Variants in PTPRT observed in about 807,000 individuals in gnomAD.
The protein encoded by PTPRT is protein tyrosine phosphatase receptor type T.
PTPRT carries 56 observed loss-of-function variants against 176.8 expected under a neutral mutation model. The ratio of observed to expected loss-of-function variants is 0.32; its 90% CI spans 0.26 to 0.40. The LOEUF is 0.40. PTPRT is among the 10% of genes least tolerant of loss of function. The pLI, the probability that PTPRT is intolerant of heterozygous loss-of-function variation, is 1.00. For missense variants in PTPRT, 1,540 were observed against 1,908.2 expected (o/e 0.81, Z 3.60); for synonymous variants, 783 against 739.0 (o/e 1.06, Z -0.96).
intron 7 of PTPRT, among the ~76,000 whole-genome samples, chr20:42,604,267 C>T (rs1443573240): frequency 1.3e-5 from 2 of 152,124 alleles, no homozygotes; most frequent in Admixed American, 1.3e-4. Context: ...TGGGGAAAAC[C>T]CACACATTTT....
chr20:42,313,864 G>T (rs909460727), intron 12 of PTPRT, among the ~76,000 whole-genome samples: 3 of 152,182 alleles, frequency 2.0e-5, no homozygotes, highest in African/African-American at 7.2e-5. Context: ...GAGGAGTGTT[G>T]CTTGAACCAG....
chr20:42,034,532 T>G, the PTPRT span, among the ~76,000 whole-genome samples: 4 of 152,168 alleles, frequency 2.6e-5, no homozygotes, highest in Non-Finnish European at 5.9e-5. Flanking sequence ...AGATTGAGTC[T>G]CAGGCCAGAG....
chr20:43,037,761 G>A (rs1986442869), intron 1 of PTPRT, among the ~76,000 whole-genome samples: 1 of 152,126 alleles, frequency 6.6e-6, no homozygotes, highest in Non-Finnish European at 1.5e-5. Flanking sequence ...GAGGCATACA[G>A]GAACGTAAAA....
intron 9 of PTPRT, among the ~76,000 whole-genome samples, chr20:42,401,668 C>T (rs557288813): frequency 1.3e-5 from 2 of 152,240 alleles, no homozygotes; most frequent in South Asian, 2.1e-4. Context: ...GCCCCAATCC[C>T]CTCCTTTAGG....
chr20:43,086,950 G>A (rs1437393919), intron 1 of PTPRT, among the ~76,000 whole-genome samples: 1 of 152,150 alleles, frequency 6.6e-6, no homozygotes, highest in African/African-American at 2.4e-5. Context: ...CTTTATAGAT[G>A]TACAGTTCTA....
chr20:42,897,187 C>A (rs909382675), intron 1 of PTPRT, among the ~76,000 whole-genome samples: 6 of 152,068 alleles, frequency 3.9e-5, no homozygotes, highest in African/African-American at 1.4e-4. Context: ...AAACAATACT[C>A]CTAATATAAA....
chr20:42,356,521 C>T (rs1001112432), intron 9 of PTPRT, among the ~76,000 whole-genome samples: 2 of 152,020 alleles, frequency 1.3e-5, no homozygotes, highest in African/African-American at 4.8e-5. Context: ...ACAGAGAAAC[C>T]CCGTCTCTAT....
intron 7 of PTPRT, among the ~76,000 whole-genome samples, chr20:42,513,109 C>G (rs1346736174): frequency 6.6e-6 from 1 of 152,066 alleles, no homozygotes; most frequent in Non-Finnish European, 1.5e-5. Context: ...ATCCACCCAC[C>G]TCAGCCTCCC....
At chr20:42,149,018 C>G (rs918651318) in intron 17 of PTPRT, among the ~76,000 whole-genome samples, 2 of 152,222 alleles carry the variant, frequency 1.3e-5, no homozygotes, top group Non-Finnish European at 2.9e-5. Flanking sequence ...CTAACATCCT[C>G]TTCCTGAAAT....
At chr20:42,039,426 C>G in the PTPRT span, among the ~76,000 whole-genome samples, 100 of 152,122 alleles carry the variant, frequency 6.6e-4, no homozygotes, top group East Asian at 0.019. Flanking sequence ...ATTTCTTGCA[C>G]TTACTCCTCC....
Position 42,248,551 on chromosome 20 carries a change from A to T in PTPRT, c.2312+136T>A, listed in dbSNP as rs1478282661. 6 of 1,174,832 alleles carry T rather than the reference A, an allele frequency of 5.1e-6. No homozygotes were observed. In the East Asian group the frequency reaches 1.4e-4, roughly 28 times the overall value. The allele number at this position is 1,174,832 out of a possible 1,614,324, so 72.8% of individuals were successfully genotyped here. A position where few individuals can be genotyped will look rare whatever the true frequency, so the allele number is the denominator to read the frequency against. On this transcript the variant is annotated intron_variant, in intron 14 of 30. Transcript: ENST00000373187. ...CAACACAATGAACCACAGCCGGCCC[A>T]TGTATTTCCGGACCTCAATGGTTAT... is the stretch of plus-strand genomic sequence containing the variant.
At chr20:42,354,623 G>C (rs1038583684) in intron 9 of PTPRT, among the ~76,000 whole-genome samples, 3 of 152,200 alleles carry the variant, frequency 2.0e-5, no homozygotes, top group Admixed American at 2.0e-4. Flanking sequence ...CTGAATTCAA[G>C]TCAGGCCTCA....
chr20:42,284,132 C>T (rs1298393706), intron 12 of PTPRT, among the ~76,000 whole-genome samples: 1 of 152,010 alleles, frequency 6.6e-6, no homozygotes, highest in Non-Finnish European at 1.5e-5. Flanking sequence ...CCACTTTATC[C>T]TATTAATGTG....
chr20:42,904,866 G>A (rs999055571), intron 1 of PTPRT, among the ~76,000 whole-genome samples: 3 of 152,200 alleles, frequency 2.0e-5, no homozygotes, highest in Admixed American at 2.0e-4. Flanking sequence ...CTAGCCATAT[G>A]TAGAAAGCTG....
At chr20:42,857,873 C>T (rs1473198677) in intron 2 of PTPRT, among the ~76,000 whole-genome samples, 2 of 152,166 alleles carry the variant, frequency 1.3e-5, no homozygotes, top group East Asian at 1.9e-4. Context: ...CCTGTTTATG[C>T]GGGACCCCTA....
At chr20:42,600,146 T>C (rs2073750362) in intron 7 of PTPRT, among the ~76,000 whole-genome samples, 1 of 152,166 alleles carries the variant, frequency 6.6e-6, no homozygotes, top group Admixed American at 6.5e-5. Context: ...TTTTTTTGTT[T>C]TGTTTTGTTT....
At chr20:42,729,335 T>A (rs973754558) in intron 6 of PTPRT, among the ~76,000 whole-genome samples, 2 of 152,164 alleles carry the variant, frequency 1.3e-5, no homozygotes, top group Admixed American at 1.3e-4. Flanking sequence ...ACAGAGGAAA[T>A]TTTCTGTTGC....
chr20:42,349,890 C>T (rs1323329105), intron 11 of PTPRT, among the ~76,000 whole-genome samples: 2 of 152,154 alleles, frequency 1.3e-5, no homozygotes, highest in Admixed American at 6.5e-5. Flanking sequence ...TATGGAGATG[C>T]GTCAGTGTAT....
chr20:42,604,844 T>C (rs2073845136), intron 7 of PTPRT, among the ~76,000 whole-genome samples: 1 of 152,186 alleles, frequency 6.6e-6, no homozygotes, highest in Non-Finnish European at 1.5e-5. Context: ...TCATGAAACA[T>C]GATAGGGGCC....
Sources: allele counts gnomAD v4.1 joint callset (sites outside exome capture counted in the v4.1 genomes callset), GRCh38; gene constraint gnomAD v4.1.1; transcripts MANE v1.5; gene names NCBI Gene and HGNC (gene_info 2026-07-23, HGNC 2026-07-21).